GRAMD1B: variants seen among roughly 807,000 people sequenced by gnomAD.
GRAMD1B encodes protein Aster-B.
A neutral mutation model predicts 99.7 loss-of-function variants in GRAMD1B; 37 were observed. The ratio of observed to expected loss-of-function variants is 0.37; its 90% CI spans 0.29 to 0.49. The LOEUF (loss-of-function observed/expected upper bound fraction) is 0.49, where lower values mean the gene tolerates loss of function less well. GRAMD1B is among the 20% of genes least tolerant of loss of function. GRAMD1B has a pLI of 0.98. For missense variants in GRAMD1B, 888 were observed against 1,009.2 expected, an observed-to-expected ratio of 0.88 and a Z score of 1.63; for synonymous variants, 427 against 387.6, an observed-to-expected ratio of 1.10 and a Z score of -1.19.
chr11:123,480,126 A>G (rs1951510170), intron 1 of GRAMD1B, among the ~76,000 whole-genome samples: 1 of 152,180 alleles, frequency 6.6e-6, no homozygotes, highest in African/African-American at 2.4e-5. Context: ...TTCCCGTATT[A>G]TTATAAGATA....
chr11:123,444,469 G>A (rs1949547831), intron 1 of GRAMD1B, among the ~76,000 whole-genome samples: 1 of 151,458 alleles, frequency 6.6e-6, no homozygotes, highest in South Asian at 2.1e-4. Flanking sequence ...TCTAGCTTGG[G>A]CCTCAAAAAA....
intron 2 of GRAMD1B, among the ~76,000 whole-genome samples, chr11:123,531,637 C>T (rs182044671): frequency 2.6e-5 from 4 of 151,564 alleles, no homozygotes; most frequent in African/African-American, 4.8e-5. Context: ...AGACACTTCT[C>T]ATCTCTTGCT....
At chr11:123,537,975 C>T (rs1377998622) in intron 2 of GRAMD1B, among the ~76,000 whole-genome samples, 1 of 152,152 alleles carries the variant, frequency 6.6e-6, no homozygotes, top group Non-Finnish European at 1.5e-5. Flanking sequence ...AGTTTTTATG[C>T]TGATCACTAG....
At chr11:123,542,358 G>C (rs1944620021) in intron 2 of GRAMD1B, among the ~76,000 whole-genome samples, 1 of 152,248 alleles carries the variant, frequency 6.6e-6, no homozygotes, top group Non-Finnish European at 1.5e-5. Context: ...AGGGAACGTG[G>C]AAGGAAGGAA....
At chr11:123,621,616 C>A (rs558459997) in intron 19 of GRAMD1B, among the ~76,000 whole-genome samples, 1 of 152,154 alleles carries the variant, frequency 6.6e-6, no homozygotes, top group Admixed American at 6.5e-5. Context: ...CCTTAGCAGA[C>A]GGGTGACACT....
At chr11:123,409,597 C>T (rs188703433) in intron 1 of GRAMD1B, among the ~76,000 whole-genome samples, 84 of 152,254 alleles carry the variant, frequency 5.5e-4, no homozygotes, top group Non-Finnish European at 5.0e-4. Flanking sequence ...TTAAAATGTG[C>T]CCACCATCCA....
At chr11:123,531,563 T>C (rs1943374335) in intron 2 of GRAMD1B, among the ~76,000 whole-genome samples, 1 of 152,148 alleles carries the variant, frequency 6.6e-6, no homozygotes, top group Admixed American at 6.6e-5. Flanking sequence ...TTCCTGAGGC[T>C]TGTTGTCATC....
chr11:123,559,753 G>C (rs751569856), intron 2 of GRAMD1B: 31 of 900,086 alleles, frequency 3.4e-5, no homozygotes, highest in Non-Finnish European at 4.0e-5. Context: ...CGGGAGAAGC[G>C]AGCATCCTGG....
rs549927415 is a variant in GRAMD1B, at chr11:123,360,038, T to G, written c.-176+1239T>G. ...CTGAATAGTAGAAATAGGCTGAAAA[T>G]GCTACATTTCTACACACTACCCCAA... On this transcript the variant is annotated intron_variant, in intron 1 of 20. Coordinates refer to the GRAMD1B transcript ENST00000638157. Among the ~76,000 whole-genome samples, 37 of 152,216 alleles carry G rather than the reference T, an allele frequency of 2.4e-4. No homozygotes were observed. In the East Asian group the frequency reaches 6.4e-3, roughly 26 times the overall value.
chr11:123,375,271 T>C (rs1191221449), intron 1 of GRAMD1B, among the ~76,000 whole-genome samples: 2 of 152,104 alleles, frequency 1.3e-5, no homozygotes, highest in Non-Finnish European at 2.9e-5. Context: ...ATTAAACAAA[T>C]AAATCAACCA....
intron 2 of GRAMD1B, among the ~76,000 whole-genome samples, chr11:123,518,007 G>T (rs1421395069): frequency 6.6e-6 from 1 of 152,108 alleles, no homozygotes; most frequent in Non-Finnish European, 1.5e-5. Flanking sequence ...GGAGCCACGG[G>T]GGTGATTAGA....
At chr11:123,391,045 T>A (rs1219286666) in intron 1 of GRAMD1B, among the ~76,000 whole-genome samples, 2 of 152,212 alleles carry the variant, frequency 1.3e-5, no homozygotes, top group Non-Finnish European at 2.9e-5. Flanking sequence ...CCTGTGCCAC[T>A]CTAAATTTGC....
In GRAMD1B at chr11:123,467,288, G is replaced by T. The variant is rs142990082; in HGVS notation, c.375-13528G>T. On this transcript the variant is annotated intron_variant, in intron 1 of 19. Transcript: ENST00000635736. ...GCTTGCACCTAGGAGTTTAAGATCA[G>T]CCTGGGCAACATAGGGAGACCCTGT... is the stretch of plus-strand genomic sequence containing the variant. Among the ~76,000 whole-genome samples, 6 of 151,820 alleles carry T rather than the reference G, an allele frequency of 4.0e-5. No homozygotes were observed. In the East Asian group the frequency reaches 7.8e-4, roughly 20 times the overall value.
At chr11:123,435,230 G>A (rs1336594032) in intron 1 of GRAMD1B, among the ~76,000 whole-genome samples, 8 of 152,156 alleles carry the variant, frequency 5.3e-5, no homozygotes, top group South Asian at 2.1e-4. Flanking sequence ...CCAGCATGAC[G>A]TCTCCACATT....
intron 2 of GRAMD1B, among the ~76,000 whole-genome samples, chr11:123,562,112 T>A (rs2136018431): frequency 6.6e-6 from 1 of 152,264 alleles, no homozygotes; most frequent in Admixed American, 6.5e-5. Context: ...CACTTCGGGA[T>A]CTGAGGTGGG....
At chr11:123,397,408 A>AAAAACAAAAC (rs148210099) in intron 1 of GRAMD1B, among the ~76,000 whole-genome samples, 5,527 of 150,686 alleles carry the variant, frequency 0.037, 348 homozygotes, top group African/African-American at 0.13. Context: ...CTCTGTCTCA[A>AAAAACAAAAC]AAAACAAAAC....
At chr11:123,470,217 C>T (rs1335305077) in intron 1 of GRAMD1B, among the ~76,000 whole-genome samples, 1 of 152,168 alleles carries the variant, frequency 6.6e-6, no homozygotes, top group Non-Finnish European at 1.5e-5. Flanking sequence ...TGCACACCCA[C>T]ACCACAGAAG....
At chr11:123,614,870 C>A in intron 17 of GRAMD1B, 35 bp downstream of exon 17, 1 of 1,247,126 alleles carries the variant, frequency 8.0e-7, no homozygotes, top group Non-Finnish European at 1.2e-6. Flanking sequence ...CCTGCCCTCA[C>A]CACCTTCCCT....
At chr11:123,467,065 T>G (rs969744162) in intron 1 of GRAMD1B, among the ~76,000 whole-genome samples, 1 of 152,166 alleles carries the variant, frequency 6.6e-6, no homozygotes, top group Non-Finnish European at 1.5e-5. Context: ...AGGCCTAGAA[T>G]TTTATTGTAG....
Sources: allele counts gnomAD v4.1 joint callset (sites outside exome capture counted in the v4.1 genomes callset), GRCh38; gene constraint gnomAD v4.1.1; transcripts MANE v1.5; gene names NCBI Gene and HGNC (gene_info 2026-07-23, HGNC 2026-07-21).